Variants in KCNIP4 observed in about 807,000 individuals in gnomAD.
KCNIP4 encodes potassium voltage-gated channel interacting protein 4, also known as Kv channel-interacting protein 4.
KCNIP4 carries 12 observed loss-of-function variants against 34.0 expected under a neutral mutation model. That is an observed-to-expected ratio of 0.35 (90% CI 0.23 to 0.57). The LOEUF (loss-of-function observed/expected upper bound fraction) is 0.57. Ranked by LOEUF, KCNIP4 falls within the 20% of genes least tolerant of loss-of-function variation. The probability of loss-of-function intolerance (pLI) is 0.83; values close to 1 mark genes in which losing one functional copy is unlikely to be tolerated. For missense variants in KCNIP4, 238 were observed against 311.7 expected, an observed-to-expected ratio of 0.76 and a Z score of 1.78; for synonymous variants, 124 against 102.2, an observed-to-expected ratio of 1.21 and a Z score of -1.29.
At chr4:20,833,872 G>A (rs548135860) in intron 3 of KCNIP4, among the ~76,000 whole-genome samples, 4 of 152,258 alleles carry the variant, frequency 2.6e-5, no homozygotes, top group South Asian at 2.1e-4. Flanking sequence ...TTTGTAAAGT[G>A]TTTGAAGGCA....
intron 1 of KCNIP4, among the ~76,000 whole-genome samples, chr4:21,206,714 A>G (rs1756877455): frequency 1.3e-5 from 2 of 152,240 alleles, no homozygotes; most frequent in South Asian, 2.1e-4. Context: ...GAAGGATGTT[A>G]TCTGATTTGC....
At chr4:21,067,083 C>G (rs887910509) in intron 1 of KCNIP4, among the ~76,000 whole-genome samples, 1 of 152,108 alleles carries the variant, frequency 6.6e-6, no homozygotes, top group Non-Finnish European at 1.5e-5. Flanking sequence ...GACAGCGCAC[C>G]GGACAGAGTC....
At chr4:21,855,768 T>C (rs1724712058) in intron 1 of KCNIP4, 1 of 152,222 alleles carries the variant, frequency 6.6e-6, no homozygotes, top group Admixed American at 6.5e-5. Flanking sequence ...ACCATTATAA[T>C]CCATCTGGAC....
intron 3 of KCNIP4, among the ~76,000 whole-genome samples, chr4:20,821,805 C>T (rs1037752881): frequency 6.6e-6 from 1 of 152,114 alleles, no homozygotes; most frequent in Non-Finnish European, 1.5e-5. Context: ...CTGCAAAAGA[C>T]ATTTTTCATT....
intron 1 of KCNIP4, among the ~76,000 whole-genome samples, chr4:21,490,577 G>A (rs964149366): frequency 6.6e-6 from 1 of 152,074 alleles, no homozygotes; most frequent in Non-Finnish European, 1.5e-5. Flanking sequence ...AACTCATTTA[G>A]GAAATAAGAT....
At chr4:21,139,077 T>C (rs892870861) in intron 1 of KCNIP4, among the ~76,000 whole-genome samples, 1 of 152,184 alleles carries the variant, frequency 6.6e-6, no homozygotes. Context: ...ACTCTAACAC[T>C]AGGTATTTTT....
intron 1 of KCNIP4, among the ~76,000 whole-genome samples, chr4:20,979,740 C>A (rs1304832122): frequency 6.6e-6 from 1 of 151,976 alleles, no homozygotes; most frequent in African/African-American, 2.4e-5. Flanking sequence ...TCACCTACCC[C>A]CAGGTTGACC....
chr4:21,022,435 C>CAAA (rs1422092778), intron 1 of KCNIP4, among the ~76,000 whole-genome samples: 4 of 152,224 alleles, frequency 2.6e-5, no homozygotes, highest in African/African-American at 9.6e-5. Context: ...TCTGCCGATG[C>CAAA]AAAACCATAT....
At chr4:21,153,191 A>C (rs1752883485) in intron 1 of KCNIP4, among the ~76,000 whole-genome samples, 1 of 152,126 alleles carries the variant, frequency 6.6e-6, no homozygotes, top group Non-Finnish European at 1.5e-5. Context: ...ATACATCTAT[A>C]ATTTATTTCA....
chr4:20,931,693 GTAC>G (rs1423006438), intron 1 of KCNIP4, among the ~76,000 whole-genome samples: 1 of 152,088 alleles, frequency 6.6e-6, no homozygotes, highest in African/African-American at 2.4e-5. Context: ...GCTCATGACT[GTAC>G]TACATGATTT....
chr4:20,846,872 T>C (rs1200958224), intron 3 of KCNIP4, among the ~76,000 whole-genome samples: 1 of 152,220 alleles, frequency 6.6e-6, no homozygotes, highest in African/African-American at 2.4e-5. Flanking sequence ...TAAATCCTAA[T>C]GCTGAAGCTT....
At chr4:20,961,627 G>A (rs528315032) in intron 1 of KCNIP4, among the ~76,000 whole-genome samples, 3 of 152,272 alleles carry the variant, frequency 2.0e-5, no homozygotes, top group African/African-American at 7.2e-5. Flanking sequence ...CTGAGTGCTT[G>A]TATAAACTAC....
At chr4:21,806,886 G>A (rs1841188) in intron 1 of KCNIP4, among the ~76,000 whole-genome samples, 2 of 152,084 alleles carry the variant, frequency 1.3e-5, no homozygotes, top group Non-Finnish European at 2.9e-5. Context: ...TGGGATAGTT[G>A]TGGGATGATT....
chr4:20,906,150 G>A (rs923674), intron 1 of KCNIP4, among the ~76,000 whole-genome samples: 29,129 of 145,622 alleles, frequency 0.2, 3,338 homozygotes, highest in East Asian at 0.48. Context: ...CTCTCTTGTC[G>A]GGCAGCCTCC....
chr4:21,062,245 T>C lies in KCNIP4; in HGVS notation c.62-179536A>G, dbSNP rs145744966. 3.2e-3 allele frequency among the ~76,000 whole-genome samples: 491 copies of C among 152,234 alleles called. 2 individuals carry two copies. The highest frequency in any genetic ancestry group is 0.011 in the African/African-American group (448 of 41,542). ...AAATCACAGACAAATGGATAAGAAA[T>C]CTCTCCTTCCATTATACAGTGGCTC... On this transcript the variant is annotated intron_variant, in intron 1 of 8. Coordinates refer to ENST00000382152, the MANE Select transcript of KCNIP4 (RefSeq NM_025221.6).
At chr4:21,110,342 T>C (rs1396279929) in intron 1 of KCNIP4, among the ~76,000 whole-genome samples, 1 of 152,194 alleles carries the variant, frequency 6.6e-6, no homozygotes, top group East Asian at 1.9e-4. Context: ...CACATATAAA[T>C]GAAGCTTCCA....
intron 1 of KCNIP4, among the ~76,000 whole-genome samples, chr4:21,646,881 A>G (rs1747059146): frequency 6.6e-6 from 1 of 152,204 alleles, no homozygotes; most frequent in African/African-American, 2.4e-5. Context: ...TAGAAGGCAC[A>G]ATCTCAAATG....
At chr4:21,585,074 T>C (rs1041974678) in intron 1 of KCNIP4, among the ~76,000 whole-genome samples, 4 of 152,082 alleles carry the variant, frequency 2.6e-5, no homozygotes, top group African/African-American at 9.7e-5. Context: ...AATATAGTTG[T>C]TTCATAAACA....
intron 1 of KCNIP4, among the ~76,000 whole-genome samples, chr4:21,906,381 C>A (rs560805788): frequency 6.6e-6 from 1 of 151,990 alleles, no homozygotes; most frequent in Non-Finnish European, 1.5e-5. Context: ...GAAAAGCGAA[C>A]GTGAAGATAG....
Sources: gnomAD v4.1 joint callset for allele counts (sites outside exome capture counted in the v4.1 genomes callset) on GRCh38, gnomAD v4.1.1 for gene constraint, MANE v1.5 for transcripts, NCBI Gene and HGNC (gene_info 2026-07-23, HGNC 2026-07-21) for gene names.